Variants in HES1 observed in about 807,000 individuals in gnomAD.
The protein encoded by HES1 is transcription factor HES-1.
Under a neutral mutation model 21.0 loss-of-function variants are expected in HES1, and 7 were observed. The observed-to-expected ratio is 0.33, with a 90% CI of 0.19 to 0.63. The LOEUF (loss-of-function observed/expected upper bound fraction) is 0.63, where lower values mean the gene tolerates loss of function less well. Ranked by LOEUF, HES1 falls within the 20% of genes least tolerant of loss-of-function variation. The pLI is 0.78. For missense variants in HES1, 338 were observed against 389.8 expected (o/e 0.87, Z 1.12); for synonymous variants, 169 against 171.2 (o/e 0.99, Z 0.10).
Position 194,136,210 on chromosome 3 carries a change from C to G in HES1, c.-171C>G. On this transcript the variant is annotated 5_prime_UTR_variant, in exon 1 of 4. Coordinates refer to ENST00000232424, the MANE Select transcript of HES1 (RefSeq NM_005524.4). ...CCCCCGTCTACCTCTCTCCTTGGTC[C>G]TGGAACAGCGCTACTGATCACCAAG... is the stretch of plus-strand genomic sequence containing the variant. 5 of 586,218 alleles carry G rather than the reference C, an allele frequency of 8.5e-6. No individual in the cohort carries two copies. The highest frequency in any genetic ancestry group is 1.5e-5 in the Non-Finnish European group (5 of 326,368). 36.3% of individuals were successfully genotyped at this position (586,218 alleles called of 1,614,324 possible).
At position 194,136,978 on chromosome 3, in the gene HES1, G is replaced by C; in HGVS notation, c.222G>C (p.Lys74Asn). 1 of 1,614,228 alleles carries C rather than the reference G, an allele frequency of 6.2e-7. No homozygotes were observed. Among genetic ancestry groups the C allele is most frequent in the Non-Finnish European group, 8.5e-7 (1 of 1,180,032 alleles). ...ALKKDSSRHS[K>N]LEKADILEMT... ...CTATGCAGAGCTCGCGGCATTCCAA[G>C]CTGGAGAAGGCGGACATTCTGGAAA... Residue 74 changes from lysine to asparagine, a missense_variant, in exon 3 of 4, where the codon AAG becomes AAC. Transcript: ENST00000232424.
rs1715403699 is a variant in HES1, at chr3:194,138,485, A to C, written c.*252A>C. On this transcript the variant is annotated 3_prime_UTR_variant, in exon 4 of 4. Transcript: ENST00000232424. ...TTTGTATTATAAAAGCTCAGATGACATTTCGTTTTTTACACGAGATTTCTT... is the reference window on the plus strand; with the variant it reads ...TTTGTATTATAAAAGCTCAGATGACCTTTCGTTTTTTACACGAGATTTCTT... 3 of 372,870 alleles carry C rather than the reference A, an allele frequency of 8.0e-6. No individual in the cohort carries two copies. Among genetic ancestry groups the C allele is most frequent in the African/African-American group, 6.2e-5 (3 of 48,100 alleles). The allele number at this position is 372,870 out of a possible 1,614,324, so 23.1% of individuals were successfully genotyped here.
intron 2 of HES1, 103 bp from the exon 3 acceptor site, chr3:194,136,858 G>T (rs1249436050): frequency 1.4e-6 from 2 of 1,392,416 alleles, no homozygotes; most frequent in African/African-American, 1.4e-5. Context: ...ATTCGCTGGG[G>T]TCCAGAGATA....
chr3:194,137,893 C>G lies in HES1; in HGVS notation c.503C>G (p.Pro168Arg), dbSNP rs375649870. The G allele has an allele frequency of 1.1e-5, 16 of 1,475,006 alleles. No homozygotes were observed. Among genetic ancestry groups the G allele is most frequent in the Non-Finnish European group, 1.4e-5 (16 of 1,104,846 alleles). The allele number at this position is 1,475,006 out of a possible 1,614,324, so 91.4% of individuals were successfully genotyped here. Residue 168 changes from proline (P) to arginine (R), a missense_variant, in exon 4 of 4, where the codon CCG (proline) becomes CGG (arginine). By Grantham distance (103) the Pro-to-Arg change is moderately radical. Coordinates refer to ENST00000232424, the MANE Select transcript of HES1 (RefSeq NM_005524.4). The surrounding 1 kb of genome is among the most constrained non-coding windows in gnomAD (Gnocchi z 5.4). ...CACCCCGCCTTGCAGGCGCCGCCAC[C>G]GCCCCCACCGGGACCCGGCGGCCCC... ...QPHPALQAPP[P>R]PPPGPGGPQH...
At chr3:194,136,738 T>G in intron 2 of HES1, 26 bp downstream of exon 2, 2 of 1,580,662 alleles carry the variant, frequency 1.3e-6, no homozygotes, top group Non-Finnish European at 8.7e-7. Flanking sequence ...CTGCTCGCTC[T>G]TTTAATTAAA....
In HES1 at chr3:194,136,546, GCTT is replaced by G; in HGVS notation, c.108+62_108+64del. The stretch of plus-strand genomic sequence containing the variant: ...CTCAAAATTAAGTAGGGGTTGGGGG[GCTT>G]CTTTCTGTCTTGAAACCCCGGGATG... On this transcript the variant is annotated intron_variant, in intron 1 of 3. Coordinates refer to ENST00000232424, the MANE Select transcript of HES1 (RefSeq NM_005524.4). 4.5e-6 allele frequency: 7 copies of G among 1,559,672 alleles called. 1 individual carries two copies. In the South Asian group the frequency reaches 8.1e-5, roughly 18 times the overall value.
At chr3:194,136,930 C>T (rs772161889) in intron 2 of HES1, 31 bp from the exon 3 acceptor site, 56 of 1,599,246 alleles carry the variant, frequency 3.5e-5, no homozygotes, top group Non-Finnish European at 4.8e-5. Flanking sequence ...TGACACGGGG[C>T]TCACTTTCCT....
rs370999458 is a variant in HES1 at position 194,137,057 on chromosome 3, G to A, written c.292+9G>A. The A allele has an allele frequency of 6.2e-6, 10 of 1,611,344 alleles. No homozygotes were observed. The African/African-American group carries it at 1.2e-4, about 19-fold the overall frequency. On this transcript the variant is annotated intron_variant, in intron 3 of 3. Transcript: ENST00000232424. The surrounding 1 kb of genome is among the most constrained non-coding windows in gnomAD (Gnocchi z 5.4). ...GCGGGCGCAGATGACGGGTGAGGGCGGCTCGCCGCGTCCCCCTGTGCGGGC... is the reference window on the plus strand; with the variant it reads ...GCGGGCGCAGATGACGGGTGAGGGCAGCTCGCCGCGTCCCCCTGTGCGGGC...
rs1715397422 is a variant in HES1 at position 194,138,241 on chromosome 3, C to T, written c.*8C>T. ...AGGCCGTGGCGGAACTGAGGGGGCT[C>T]AGGCCACCCCTCCTCCTAAACTCCC... is the stretch of plus-strand genomic sequence containing the variant. On this transcript the variant is annotated 3_prime_UTR_variant, in exon 4 of 4. Coordinates refer to ENST00000232424, the MANE Select transcript of HES1 (RefSeq NM_005524.4). 6.5e-7 allele frequency: 1 copy of T among 1,540,312 alleles called. No homozygotes were observed. The highest frequency in any genetic ancestry group is 1.4e-5 in the African/African-American group (1 of 71,858).
Position 194,138,121 on chromosome 3 carries a change from T to C in HES1, c.731T>C (p.Val244Ala). The change falls in exon 4 of 4, where the codon GTC becomes GCC. Residue 244 changes from valine to alanine, a missense_variant. By Grantham distance (64) the Val-to-Ala change is moderately conservative. Transcript: ENST00000232424. Reference protein sequence around the residue: ...PNGAFAHSGPVIPVYTSNSGT... With the variant: ...PNGAFAHSGPAIPVYTSNSGT... ...GGGGCCTTCGCGCACAGCGGCCCTG[T>C]CATCCCCGTCTACACCAGCAACAGC... 1 of 1,612,640 alleles carries C rather than the reference T, an allele frequency of 6.2e-7. No homozygotes were observed. Among genetic ancestry groups the C allele is most frequent in the South Asian group, 1.1e-5 (1 of 90,804 alleles).
chr3:194,137,274 G>T lies in HES1; in HGVS notation c.292+226G>T. 1.6e-6 allele frequency: 1 copy of T among 608,044 alleles called. No homozygotes were observed. The highest frequency in any genetic ancestry group is 2.0e-5 in the South Asian group (1 of 51,104). The allele number at this position is 608,044 out of a possible 1,614,324, so 37.7% of individuals were successfully genotyped here. ...TGCAGCCGCGAGGGTGGCGGGCGCC[G>T]GGTAGGGGCGAAAGGACTTAGGACT... On this transcript the variant is annotated intron_variant, in intron 3 of 3. Transcript: ENST00000232424. This position sits in a 1 kb window ranked among gnomAD's most constrained non-coding sequence, Gnocchi z 5.4.
chr3:194,136,817 T>C, intron 2 of HES1, 105 bp downstream of exon 2: 6 of 1,369,244 alleles, frequency 4.4e-6, no homozygotes, highest in Non-Finnish European at 5.2e-6. Context: ...TCGCTGGTAC[T>C]GCGTTCTCCC....
chr3:194,138,022 A>T lies in HES1; in HGVS notation c.632A>T (p.Glu211Val). 1 of 1,547,078 alleles carries T rather than the reference A, an allele frequency of 6.5e-7. No individual in the cohort carries two copies. The highest frequency in any genetic ancestry group is 1.2e-5 in the South Asian group (1 of 83,272). ...TGCAAGCTGGGCAGCCAGGCTGGAG[A>T]GGCGGCTAAGGTGTTTGGAGGCTTC... The part of the protein sequence containing the change: ...APCKLGSQAG[E>V]AAKVFGGFQV... Residue 211 changes from glutamate to valine, a missense_variant, in exon 4 of 4, where the codon GAG becomes GTG. Glu to Val is a moderately radical substitution (Grantham distance 121). Coordinates refer to ENST00000232424, the MANE Select transcript of HES1 (RefSeq NM_005524.4).
In HES1 at chr3:194,136,692, T is replaced by G. The variant is rs1466331790; in HGVS notation, c.184T>G (p.Leu62Val). The G allele has an allele frequency of 4.3e-6, 7 of 1,613,486 alleles. No individual in the cohort carries two copies. Among genetic ancestry groups the G allele is most frequent in the Non-Finnish European group, 5.1e-6 (6 of 1,179,520 alleles). ...ESLSQLKTLI[L>V]DALKKDSSRH... is the part of the protein sequence containing the mutation. ...TCTGAGCCAGCTGAAAACACTGATT[T>G]TGGATGCTCTGAAGAAAGATGTAAG... is the stretch of plus-strand genomic sequence containing the variant. The change falls in exon 2 of 4, where the codon TTG becomes GTG. Residue 62 changes from leucine to valine, a missense_variant. Leu to Val is a conservative substitution (Grantham distance 32). Transcript: ENST00000232424.
chr3:194,136,263 C>G lies in HES1; in HGVS notation c.-118C>G, dbSNP rs1375766057. On this transcript the variant is annotated 5_prime_UTR_variant, in exon 1 of 4. Transcript: ENST00000232424. ...GCCACAAAATATAATAAACCCTCAG[C>G]ACTTGCTCAGTAGTTTTGTGAAAGT... 1 of 652,058 alleles carries G rather than the reference C, an allele frequency of 1.5e-6. No individual in the cohort carries two copies. The highest frequency in any genetic ancestry group is 2.7e-6 in the Non-Finnish European group (1 of 372,992). The allele number at this position is 652,058 out of a possible 1,614,324, so 40.4% of individuals were successfully genotyped here. A position where few individuals can be genotyped will look rare whatever the true frequency, so the allele number is the denominator to read the frequency against.
In HES1 at chr3:194,136,359, T is replaced by TTAA. The variant is rs1553849742; in HGVS notation, c.-22_-21insTAA. 2.7e-5 allele frequency: 32 copies of TTAA among 1,165,932 alleles called. No homozygotes were observed. The East Asian group carries it at 3.8e-4, about 14-fold the overall frequency. The allele number at this position is 1,165,932 out of a possible 1,614,324, so 72.2% of individuals were successfully genotyped here. A position where few individuals can be genotyped will look rare whatever the true frequency, so the allele number is the denominator to read the frequency against. ...CTCCAAAAATAAAATTCTCTAGAGA[T>TTAA]AAAAAAAAAAAAAAAAGGAAAATGC... is the stretch of plus-strand genomic sequence containing the variant. On this transcript the variant is annotated 5_prime_UTR_variant, in exon 1 of 4. Transcript: ENST00000232424.
chr3:194,137,304 CG>C lies in HES1; in HGVS notation c.292+258del, dbSNP rs1715369406. ...GGGGCGAAAGGACTTAGGACTGTGGCGGTTTGGAACTGCGTGGAGCCTGGGG... is the reference window on the plus strand; with the variant it reads ...GGGGCGAAAGGACTTAGGACTGTGGCGTTTGGAACTGCGTGGAGCCTGGGG... On this transcript the variant is annotated intron_variant, in intron 3 of 3. Transcript: ENST00000232424. The surrounding 1 kb of genome is among the most constrained non-coding windows in gnomAD (Gnocchi z 5.4). 1 of 587,620 alleles carries C rather than the reference CG, an allele frequency of 1.7e-6. No individual in the cohort carries two copies. Among genetic ancestry groups the C allele is most frequent in the Non-Finnish European group, 3.0e-6 (1 of 329,664 alleles). The allele number at this position is 587,620 out of a possible 1,614,324, so 36.4% of individuals were successfully genotyped here.
At position 194,137,043 on chromosome 3, in the gene HES1, T is replaced by G; in HGVS notation, c.287T>G (p.Met96Arg). The change falls in exon 3 of 4, where the codon ATG becomes AGG. Residue 96 changes from methionine (M) to arginine (R), a missense_variant. Coordinates refer to ENST00000232424, the MANE Select transcript of HES1 (RefSeq NM_005524.4). The surrounding 1 kb of genome is among the most constrained non-coding windows in gnomAD (Gnocchi z 5.4). ...CTCCGGAACCTGCAGCGGGCGCAGA[T>G]GACGGGTGAGGGCGGCTCGCCGCGT... is the stretch of plus-strand genomic sequence containing the variant. ...KHLRNLQRAQ[M>R]TAALSTDPSV... is the part of the protein sequence containing the mutation. The G allele has an allele frequency of 6.2e-7, 1 of 1,613,940 alleles. No individual in the cohort carries two copies. The highest frequency in any genetic ancestry group is 8.5e-7 in the Non-Finnish European group (1 of 1,179,876).
chr3:194,137,554 C>A lies in HES1; in HGVS notation c.293-129C>A. ...CTGGTTTTTTCTAAACCCATCTCAC[C>A]CTCCCTGCCGGAGGCAGTTTCACGG... On this transcript the variant is annotated intron_variant, in intron 3 of 3. Coordinates refer to ENST00000232424, the MANE Select transcript of HES1 (RefSeq NM_005524.4). The surrounding 1 kb of genome is among the most constrained non-coding windows in gnomAD (Gnocchi z 5.4). 1 of 980,338 alleles carries A rather than the reference C, an allele frequency of 1.0e-6. No homozygotes were observed. Among genetic ancestry groups the A allele is most frequent in the Non-Finnish European group, 1.4e-6 (1 of 693,364 alleles). 60.7% of individuals were successfully genotyped at this position (980,338 alleles called of 1,614,324 possible). A position where few individuals can be genotyped will look rare whatever the true frequency, so the allele number is the denominator to read the frequency against.
Sources: gnomAD v4.1 joint callset for allele counts on GRCh38, gnomAD v4.1.1 for gene constraint, Gnocchi (gnomAD v3.1) non-coding constraint, MANE v1.5 for transcripts, NCBI Gene and HGNC (gene_info 2026-07-23, HGNC 2026-07-21) for gene names.